The following SSH2 variants were observed in gnomAD, a reference collection of about 807,000 sequenced individuals.
SSH2 encodes the protein slingshot protein phosphatase 2, also known as protein phosphatase Slingshot homolog 2.
In SSH2, 37 loss-of-function variants were observed where a neutral mutation model predicts 135.2. The observed-to-expected ratio is 0.27, with a 90% confidence interval of 0.21 to 0.36. The LOEUF (loss-of-function observed/expected upper bound fraction) is 0.36, where lower values mean the gene tolerates loss of function less well. Ranked by LOEUF, SSH2 falls within the 10% of genes least tolerant of loss-of-function variation. The pLI is 1.00. For synonymous variants in SSH2, 628 were observed against 646.2 expected, an observed-to-expected ratio of 0.97 and a Z score of 0.43; for missense variants, 1,408 against 1,765.3, an observed-to-expected ratio of 0.80 and a Z score of 3.63.
chr17:29,823,398 G>A (rs2042687077), intron 2 of SSH2, among the ~76,000 whole-genome samples: 1 of 152,138 alleles, frequency 6.6e-6, no homozygotes, highest in Admixed American at 6.5e-5. Flanking sequence ...TTTGACCCTT[G>A]CACTGGGCTA....
intron 3 of SSH2, among the ~76,000 whole-genome samples, chr17:29,750,639 C>T (rs1241540010): frequency 6.6e-6 from 1 of 151,648 alleles, no homozygotes; most frequent in East Asian, 1.9e-4. Context: ...CCTCCTGCCT[C>T]AGCCCCCAGA....
chr17:29,699,619 A>G (rs1156992617), intron 4 of SSH2, among the ~76,000 whole-genome samples: 1 of 152,206 alleles, frequency 6.6e-6, no homozygotes, highest in Non-Finnish European at 1.5e-5. Flanking sequence ...GTTTGACCAA[A>G]GAAAAATGCC....
chr17:29,903,057 G>T (rs1301924022), intron 1 of SSH2, among the ~76,000 whole-genome samples: 1 of 151,720 alleles, frequency 6.6e-6, no homozygotes, highest in Non-Finnish European at 1.5e-5. Context: ...ATGGTGCCGG[G>T]CGCCTGTAGT....
chr17:29,900,389 A>C (rs1178067679), intron 1 of SSH2, among the ~76,000 whole-genome samples: 1 of 152,196 alleles, frequency 6.6e-6, no homozygotes, highest in Non-Finnish European at 1.5e-5. Context: ...CTCATCTGAC[A>C]AAGGGCTAAT....
At chr17:29,637,695 T>C (rs1357531273) in intron 14 of SSH2, among the ~76,000 whole-genome samples, 3 of 151,730 alleles carry the variant, frequency 2.0e-5, no homozygotes, top group African/African-American at 7.3e-5. Flanking sequence ...GGTGGGAGGA[T>C]TGCTTGAACC....
intron 2 of SSH2, among the ~76,000 whole-genome samples, chr17:29,808,331 G>T (rs2042383687): frequency 6.6e-6 from 1 of 152,214 alleles, no homozygotes; most frequent in African/African-American, 2.4e-5. Context: ...GTTTCGCCAT[G>T]TTGGCCAGGC....
At chr17:29,903,733 G>C (rs1321139915) in intron 1 of SSH2, among the ~76,000 whole-genome samples, 4 of 151,980 alleles carry the variant, frequency 2.6e-5, no homozygotes, top group Non-Finnish European at 5.9e-5. Flanking sequence ...TAAGATGTTT[G>C]GGATTAATTA....
At chr17:29,659,827 C>T (rs1274208346) in intron 11 of SSH2, among the ~76,000 whole-genome samples, 1 of 151,180 alleles carries the variant, frequency 6.6e-6, no homozygotes, top group Middle Eastern at 3.2e-3. Context: ...TGCGCCTGGC[C>T]AGACATTTTA....
chr17:29,680,728 T>G (rs1396505062), intron 6 of SSH2, among the ~76,000 whole-genome samples: 1 of 151,910 alleles, frequency 6.6e-6, no homozygotes, highest in East Asian at 1.9e-4. Context: ...GTAGATGAGA[T>G]GAGCGCACAA....
chr17:29,685,687 G>T (rs1250796424), intron 5 of SSH2, among the ~76,000 whole-genome samples: 3 of 151,276 alleles, frequency 2.0e-5, no homozygotes, highest in Non-Finnish European at 4.4e-5. Context: ...TACTTAGGAG[G>T]CTGAGGCAGG....
At chr17:29,838,401 C>T (rs2042981685) in intron 2 of SSH2, among the ~76,000 whole-genome samples, 1 of 152,210 alleles carries the variant, frequency 6.6e-6, no homozygotes. Context: ...GACTCCTAGG[C>T]AGACAATGGT....
At chr17:29,680,329 G>A (rs1303700615) in intron 6 of SSH2, among the ~76,000 whole-genome samples, 2 of 151,770 alleles carry the variant, frequency 1.3e-5, no homozygotes, top group South Asian at 2.1e-4. Context: ...TTGGGAGGCC[G>A]AGGTCAGGAG....
intron 6 of SSH2, among the ~76,000 whole-genome samples, chr17:29,683,082 G>C (rs1417156165): frequency 6.6e-6 from 1 of 152,124 alleles, no homozygotes; most frequent in Non-Finnish European, 1.5e-5. Flanking sequence ...AGGAAAATTA[G>C]AATCATTCCC....
chr17:29,884,921 CT>C (rs1259104951), intron 1 of SSH2, among the ~76,000 whole-genome samples: 3 of 152,214 alleles, frequency 2.0e-5, no homozygotes, highest in Non-Finnish European at 2.9e-5. Flanking sequence ...ATGTTCCTCA[CT>C]GCCAAAAGCA....
intron 3 of SSH2, chr17:29,716,795 T>C (rs1440064912): frequency 9.7e-6 from 4 of 413,762 alleles, no homozygotes; most frequent in African/African-American, 4.1e-5. Context: ...CCAGTCAATT[T>C]TTCTACCCAC....
intron 2 of SSH2, among the ~76,000 whole-genome samples, chr17:29,818,177 T>G (rs1353569988): frequency 6.6e-6 from 1 of 152,216 alleles, no homozygotes; most frequent in Non-Finnish European, 1.5e-5. Context: ...TTTTTATTAT[T>G]GTATTGCTAT....
At position 29,681,577 on chromosome 17, in the gene SSH2, C is replaced by A. The variant is rs72823935; in HGVS notation, c.479+2986G>T. 2.3e-3 allele frequency among the ~76,000 whole-genome samples: 349 copies of A among 150,638 alleles called. 1 individual carries two copies. Among genetic ancestry groups the A allele is most frequent in the African/African-American group, 7.8e-3 (321 of 41,096 alleles). On this transcript the variant is annotated intron_variant, in intron 6 of 15. Coordinates refer to ENST00000540801, the MANE Select transcript of SSH2 (RefSeq NM_001282129.2). ...TACAAAAAGAAATGGAAAAAAAAAA[C>A]CCCAAAAAACCATGAAGCTCTATTA...
chr17:29,731,457 ATTTATTT>A (rs2040195069), intron 3 of SSH2, among the ~76,000 whole-genome samples: 1 of 148,228 alleles, frequency 6.7e-6, no homozygotes, highest in Non-Finnish European at 1.5e-5. Context: ...TTATTTATTT[ATTTATTT>A]ATTTATTTTG....
intron 3 of SSH2, among the ~76,000 whole-genome samples, chr17:29,769,218 C>G (rs116219029): frequency 6.6e-6 from 1 of 152,106 alleles, no homozygotes; most frequent in South Asian, 2.1e-4. Context: ...GGCTCCAGAA[C>G]CTTCTTTCTT....
Sources: allele counts gnomAD v4.1 joint callset (sites outside exome capture counted in the v4.1 genomes callset), GRCh38; gene constraint gnomAD v4.1.1; transcripts MANE v1.5; gene names NCBI Gene and HGNC (gene_info 2026-07-23, HGNC 2026-07-21).